Variants in ACTR3C observed in about 807,000 individuals in gnomAD.
ACTR3C encodes the protein actin related protein 3C.
Under a neutral mutation model 26.3 loss-of-function variants are expected in ACTR3C, and 18 were observed. That is an observed-to-expected ratio of 0.68 (90% CI 0.47 to 1.01). The LOEUF is 1.01. Among genes scored for constraint, ACTR3C ranks in the 50% least tolerant of loss-of-function variants. The pLI is 0.00. For missense variants in ACTR3C, 184 were observed against 250.7 expected (o/e 0.73, Z 1.80); for synonymous variants, 55 against 94.5 (o/e 0.58, Z 2.42).
chr7:150,003,696 GTGTGTGCTGTA>G, the ACTR3C span, among the ~76,000 whole-genome samples: 1 of 152,214 alleles, frequency 6.6e-6, no homozygotes, highest in African/African-American at 2.4e-5. Context: ...GTGTGTTTGT[GTGTGTGCTGTA>G]TGTGTGGTGT....
At chr7:149,924,204 C>T in the ACTR3C span, among the ~76,000 whole-genome samples, 12 of 148,118 alleles carry the variant, frequency 8.1e-5, no homozygotes, top group East Asian at 2.6e-4. Context: ...GGTGGAAGCC[C>T]GTCTCTACTA....
At chr7:149,906,471 C>G in the ACTR3C span, among the ~76,000 whole-genome samples, 1 of 116,858 alleles carries the variant, frequency 8.6e-6, no homozygotes, top group African/African-American at 3.3e-5. Flanking sequence ...TCACTCTGTC[C>G]CCCAGGCTGG....
the ACTR3C span, among the ~76,000 whole-genome samples, chr7:150,171,364 A>G: frequency 6.6e-6 from 1 of 150,632 alleles, no homozygotes; most frequent in South Asian, 2.1e-4. Flanking sequence ...ACCCCTTTAA[A>G]TAATCTGTAT....
chr7:149,886,275 C>T, the ACTR3C span, among the ~76,000 whole-genome samples: 9 of 152,172 alleles, frequency 5.9e-5, no homozygotes, highest in Non-Finnish European at 1.0e-4. Context: ...CAGGACCTGA[C>T]AAATAAGTAC....
At chr7:150,045,432 T>C in the ACTR3C span, among the ~76,000 whole-genome samples, 3 of 152,280 alleles carry the variant, frequency 2.0e-5, no homozygotes, top group Admixed American at 6.5e-5. Flanking sequence ...ATATGTGCAA[T>C]GCATTTTGCA....
the ACTR3C span, among the ~76,000 whole-genome samples, chr7:150,049,708 G>A: frequency 6.6e-6 from 1 of 151,746 alleles, no homozygotes; most frequent in Non-Finnish European, 1.5e-5. Flanking sequence ...CTCCTGGGAA[G>A]AGACCTCCCT....
the ACTR3C span, among the ~76,000 whole-genome samples, chr7:150,025,721 G>A: frequency 6.6e-6 from 1 of 152,124 alleles, no homozygotes; most frequent in South Asian, 2.1e-4. Context: ...CCGAAGCCTT[G>A]ATAATTATAC....
the ACTR3C span, among the ~76,000 whole-genome samples, chr7:149,953,768 T>C: frequency 6.7e-6 from 1 of 149,506 alleles, no homozygotes; most frequent in African/African-American, 2.5e-5. Flanking sequence ...CCTGTAATCC[T>C]AAAAACCTAC....
the ACTR3C span, among the ~76,000 whole-genome samples, chr7:150,218,954 TACTCAA>T: frequency 1.3e-5 from 2 of 151,758 alleles, no homozygotes; most frequent in Admixed American, 1.3e-4. Flanking sequence ...AACATATAAC[TACTCAA>T]ATCATAGTGA....
chr7:150,049,450 T>C, the ACTR3C span, among the ~76,000 whole-genome samples: 91 of 152,318 alleles, frequency 6.0e-4, no homozygotes, highest in Non-Finnish European at 1.2e-3. Context: ...TCCTTCCACA[T>C]GGAGGTAGGT....
At chr7:150,077,109 G>A in the ACTR3C span, among the ~76,000 whole-genome samples, 6 of 152,168 alleles carry the variant, frequency 3.9e-5, no homozygotes, top group African/African-American at 1.4e-4. Flanking sequence ...AGGTTGCAAT[G>A]AGCTGAGATC....
chr7:150,157,325 G>C, the ACTR3C span, among the ~76,000 whole-genome samples: 2 of 151,834 alleles, frequency 1.3e-5, no homozygotes, highest in African/African-American at 4.9e-5. Flanking sequence ...GAGAGAATAG[G>C]CTGAAAAATA....
At chr7:150,236,557 A>T in the ACTR3C span, among the ~76,000 whole-genome samples, 1 of 152,230 alleles carries the variant, frequency 6.6e-6, no homozygotes. Flanking sequence ...AAATGCAAGT[A>T]AATCCAGTTG....
At chr7:150,281,362 C>A (rs547691250) in intron 6 of ACTR3C, among the ~76,000 whole-genome samples, 3 of 150,780 alleles carry the variant, frequency 2.0e-5, no homozygotes, top group African/African-American at 7.4e-5. Context: ...ACAGACGATT[C>A]GGGGCATGCT....
the ACTR3C span, among the ~76,000 whole-genome samples, chr7:150,204,911 G>A: frequency 1.3e-4 from 20 of 152,164 alleles, no homozygotes; most frequent in African/African-American, 4.6e-4. Context: ...GAGGAGCAAG[G>A]AACATAGCAG....
At chr7:150,143,058 C>T in the ACTR3C span, among the ~76,000 whole-genome samples, 2 of 152,092 alleles carry the variant, frequency 1.3e-5, no homozygotes, top group African/African-American at 4.8e-5. Flanking sequence ...TCTCGAACTC[C>T]TGTCCTCAAG....
At chr7:150,248,258 G>C (rs1297956345) in intron 7 of ACTR3C, 3 of 152,210 alleles carry the variant, frequency 2.0e-5, no homozygotes, top group Non-Finnish European at 2.9e-5. Context: ...AAGGTAGAGT[G>C]GTCCGCGTTC....
chr7:150,042,262 TGGG>T, the ACTR3C span, among the ~76,000 whole-genome samples: 1 of 9,198 alleles, frequency 1.1e-4, no homozygotes, highest in Non-Finnish European at 1.9e-4. Flanking sequence ...ACCCTTGCGG[TGGG>T]TGCCTCCCCC....
the ACTR3C span, among the ~76,000 whole-genome samples, chr7:150,084,007 T>C: frequency 6.6e-6 from 1 of 152,212 alleles, no homozygotes; most frequent in African/African-American, 2.4e-5. Flanking sequence ...ATCAGTATGC[T>C]GAAGATATAT....
Sources: gnomAD v4.1 joint callset for allele counts (sites outside exome capture counted in the v4.1 genomes callset) on GRCh38, gnomAD v4.1.1 for gene constraint, MANE v1.5 for transcripts, NCBI Gene and HGNC (gene_info 2026-07-23, HGNC 2026-07-21) for gene names.